Variants in TATDN1 observed in about 807,000 individuals in gnomAD.
TATDN1 encodes TatD DNase domain containing 1.
TATDN1 carries 40 observed loss-of-function variants against 46.4 expected under a neutral mutation model. The ratio of observed to expected loss-of-function variants is 0.86; its 90% confidence interval spans 0.67 to 1.12. TATDN1 has a LOEUF of 1.12. Among genes scored for constraint, TATDN1 ranks in the 50% most tolerant of loss-of-function variants. TATDN1 has a pLI of 0.00. For synonymous variants in TATDN1, 95 were observed against 105.6 expected (o/e 0.90, Z 0.62); for missense variants, 326 against 348.4 (o/e 0.94, Z 0.51).
At chr8:124,537,185 T>C (rs768827420) in intron 1 of TATDN1, among the ~76,000 whole-genome samples, 11 of 152,348 alleles carry the variant, frequency 7.2e-5, no homozygotes, top group East Asian at 1.9e-4. Flanking sequence ...CAAACAGTCA[T>C]TGTACTACGC....
intron 9 of TATDN1, among the ~76,000 whole-genome samples, chr8:124,502,651 T>TG (rs1238989655): frequency 6.6e-6 from 1 of 151,586 alleles, no homozygotes; most frequent in Admixed American, 6.6e-5. Context: ...TTGAAACACA[T>TG]GGAAGGGTCT....
chr8:124,512,904 TG>T (rs1408109996), intron 6 of TATDN1, among the ~76,000 whole-genome samples: 17 of 152,176 alleles, frequency 1.1e-4, no homozygotes, highest in Middle Eastern at 3.4e-3. Flanking sequence ...AAAATGTGAT[TG>T]TTACTAGTGT....
chr8:124,515,380 A>AAAAAC (rs940449665), intron 6 of TATDN1, among the ~76,000 whole-genome samples: 5 of 152,300 alleles, frequency 3.3e-5, no homozygotes, highest in Admixed American at 6.5e-5. Context: ...CTCTGTCTCA[A>AAAAAC]AAAACAAAAC....
intron 8 of TATDN1, among the ~76,000 whole-genome samples, chr8:124,505,557 A>C (rs903007219): frequency 6.6e-6 from 1 of 151,526 alleles, no homozygotes; most frequent in Non-Finnish European, 1.5e-5. Context: ...AAAAAAGCAT[A>C]AACCATTATA....
intron 1 of TATDN1, among the ~76,000 whole-genome samples, chr8:124,532,794 G>T (rs1392897363): frequency 6.6e-6 from 1 of 152,212 alleles, no homozygotes; most frequent in Non-Finnish European, 1.5e-5. Context: ...CTGATTCAAT[G>T]ATTCCCATCA....
chr8:124,492,783 T>C (rs1378242679), intron 11 of TATDN1, among the ~76,000 whole-genome samples: 3 of 143,434 alleles, frequency 2.1e-5, no homozygotes, highest in East Asian at 2.1e-4. Context: ...GATTTAGAAA[T>C]ACTGTCTCAT....
At chr8:124,490,800 G>A (rs1816926714) in intron 11 of TATDN1, among the ~76,000 whole-genome samples, 1 of 151,084 alleles carries the variant, frequency 6.6e-6, no homozygotes, top group African/African-American at 2.4e-5. Context: ...AAGCTGGAGT[G>A]CAGTGGTGTG....
intron 1 of TATDN1, among the ~76,000 whole-genome samples, chr8:124,532,098 G>C (rs192137728): frequency 6.6e-6 from 1 of 152,206 alleles, no homozygotes; most frequent in East Asian, 1.9e-4. Flanking sequence ...AGGAGGAGGA[G>C]GAGGAGGAGG....
chr8:124,505,200 T>C (rs1343114821), intron 8 of TATDN1, among the ~76,000 whole-genome samples: 1 of 150,636 alleles, frequency 6.6e-6, no homozygotes, highest in African/African-American at 2.4e-5. Context: ...GCCTGACCAA[T>C]GTGGAGAAAA....
intron 4 of TATDN1, 136 bp downstream of exon 4, chr8:124,518,682 T>C (rs975297156): frequency 6.1e-6 from 4 of 654,774 alleles, no homozygotes; most frequent in East Asian, 2.7e-5. Context: ...ATCTTAATCA[T>C]GTCCCATTTA....
chr8:124,522,061 G>C (rs1820092653), intron 3 of TATDN1, 90 bp downstream of exon 3: 1 of 830,084 alleles, frequency 1.2e-6, no homozygotes, highest in Non-Finnish European at 2.0e-6. Context: ...TGTGGCATTG[G>C]TTTGTTCCTT....
chr8:124,493,607 TCTG>T (rs967062861), intron 11 of TATDN1, among the ~76,000 whole-genome samples: 24 of 152,216 alleles, frequency 1.6e-4, no homozygotes, highest in Non-Finnish European at 2.9e-5. Context: ...TCCAAAATAT[TCTG>T]CTAAGGCTTT....
intron 1 of TATDN1, among the ~76,000 whole-genome samples, chr8:124,527,539 G>C (rs1038523552): frequency 1.2e-4 from 18 of 152,042 alleles, no homozygotes; most frequent in African/African-American, 3.9e-4. Context: ...GTCTGGTATC[G>C]GTTAGTGAGG....
intron 1 of TATDN1, among the ~76,000 whole-genome samples, chr8:124,532,162 T>C (rs1821023529): frequency 6.6e-6 from 1 of 152,202 alleles, no homozygotes; most frequent in Admixed American, 6.5e-5. Context: ...CAGCTTTAGC[T>C]GCTGCATCCA....
intron 9 of TATDN1, among the ~76,000 whole-genome samples, chr8:124,501,593 A>G (rs955019267): frequency 2.0e-5 from 3 of 152,224 alleles, no homozygotes; most frequent in Non-Finnish European, 4.4e-5. Flanking sequence ...AAGACACTGC[A>G]GTATAAAAAT....
chr8:124,496,263 C>G (rs937747077), intron 9 of TATDN1, among the ~76,000 whole-genome samples: 1 of 152,050 alleles, frequency 6.6e-6, no homozygotes, highest in Non-Finnish European at 1.5e-5. Context: ...CAGAGATTCC[C>G]CAACCATATG....
intron 6 of TATDN1, among the ~76,000 whole-genome samples, chr8:124,513,249 A>C (rs1298108239): frequency 2.0e-5 from 3 of 151,954 alleles, no homozygotes; most frequent in African/African-American, 7.3e-5. Context: ...TTTATTATTA[A>C]AATTTTAAAA....
Position 124,539,035 on chromosome 8 carries a change from G to A in TATDN1, c.12C>T (p.Phe4=), listed in dbSNP as rs753570570. 2 of 1,611,884 alleles carry A rather than the reference G, an allele frequency of 1.2e-6. No homozygotes were observed. The highest frequency in any genetic ancestry group is 1.3e-5 in the African/African-American group (1 of 74,842). Residue 4 remains phenylalanine (F), a synonymous_variant, in exon 1 of 12, where the codon TTC becomes TTT. Coordinates refer to ENST00000276692, the MANE Select transcript of TATDN1 (RefSeq NM_032026.4). ...AAACGCTCCTCTTACCGATAAACTT[G>A]AAGCGACTCATGACTGCGCATGGAG... The part of the protein sequence containing the change: MSR[F]KFIDIGINLT...
At chr8:124,526,915 G>C (rs188891558) in intron 1 of TATDN1, 1 of 152,134 alleles carries the variant, frequency 6.6e-6, no homozygotes, top group Non-Finnish European at 1.5e-5. Flanking sequence ...TAGCAAATAC[G>C]GGGGATTAGA....
Sources: allele counts gnomAD v4.1 joint callset (sites outside exome capture counted in the v4.1 genomes callset), GRCh38; gene constraint gnomAD v4.1.1; transcripts MANE v1.5; gene names NCBI Gene and HGNC (gene_info 2026-07-23, HGNC 2026-07-21).